Variants in ITGA8 observed in about 807,000 individuals in gnomAD.
ITGA8 encodes integrin subunit alpha 8.
A neutral mutation model predicts 142.3 loss-of-function variants in ITGA8; 91 were observed. That is an observed-to-expected ratio of 0.64 (90% CI 0.54 to 0.76). ITGA8 has a LOEUF of 0.76. Among genes scored for constraint, ITGA8 ranks in the 30% least tolerant of loss-of-function variants. The pLI is 0.00. For synonymous variants in ITGA8, 505 were observed against 485.2 expected (o/e 1.04, Z -0.54); for missense variants, 1,406 against 1,327.7 (o/e 1.06, Z -0.92).
At position 15,650,544 on chromosome 10, in the gene ITGA8, C is replaced by T. The variant is rs556543242; in HGVS notation, c.1002-3493G>A. Among the ~76,000 whole-genome samples, 23 of 152,206 alleles carry T rather than the reference C, an allele frequency of 1.5e-4. No homozygotes were observed. In the East Asian group the frequency reaches 4.3e-3, roughly 28 times the overall value. ...ACCACCTCAGGACTTTGCAGAGGGT[C>T]CCCACCAGCAAGAAGGCCCTCATCA... On this transcript the variant is annotated intron_variant, in intron 11 of 29. Transcript: ENST00000378076.
rs78303159 is a variant in ITGA8, at chr10:15,564,755, G to A, written c.2638-6553C>T. Among the ~76,000 whole-genome samples, 482 of 152,304 alleles carry A rather than the reference G, an allele frequency of 3.2e-3. 6 individuals are homozygous for A. The highest frequency in any genetic ancestry group is 0.011 in the African/African-American group (472 of 41,574). On this transcript the variant is annotated intron_variant, in intron 25 of 29. Transcript: ENST00000378076. ...AAGGGCCCTGTGAACCCAAACAAAA[G>A]CAATGCACACTATCTTTTTCTTGTT... is the stretch of plus-strand genomic sequence containing the variant.
chr10:15,562,387 G>A (rs565345851), intron 25 of ITGA8, among the ~76,000 whole-genome samples: 2 of 152,304 alleles, frequency 1.3e-5, no homozygotes, highest in African/African-American at 4.8e-5. Context: ...AAGCCAGGCT[G>A]TGGGACTGTG....
chr10:15,671,504 G>T (rs1485457086), intron 8 of ITGA8, 99 bp downstream of exon 8: 5 of 936,164 alleles, frequency 5.3e-6, no homozygotes, highest in Non-Finnish European at 6.9e-6. Context: ...TATCCCTTTG[G>T]TATAGCAAAT....
At chr10:15,602,065 A>G (rs17137538) in intron 20 of ITGA8, among the ~76,000 whole-genome samples, 4,465 of 152,316 alleles carry the variant, frequency 0.029, 212 homozygotes, top group African/African-American at 0.1. Context: ...TGTGTTTTCT[A>G]TGCAACAAAG....
chr10:15,715,629 C>T (rs961495074), intron 2 of ITGA8, among the ~76,000 whole-genome samples: 2 of 152,162 alleles, frequency 1.3e-5, no homozygotes, highest in African/African-American at 4.8e-5. Context: ...ATGTGTGTAC[C>T]GTGTCTGGTA....
intron 18 of ITGA8, 50 bp downstream of exon 18, chr10:15,606,235 C>T (rs1205407051): frequency 1.3e-6 from 2 of 1,533,240 alleles, no homozygotes; most frequent in East Asian, 2.3e-5. Context: ...AGAACAACAC[C>T]CCAGAGAGCT....
At chr10:15,565,435 A>G (rs1351407458) in intron 25 of ITGA8, among the ~76,000 whole-genome samples, 1 of 152,094 alleles carries the variant, frequency 6.6e-6, no homozygotes, top group African/African-American at 2.4e-5. Context: ...TGAAGGGGCA[A>G]GTAACAGCCA....
At chr10:15,542,370 A>G (rs1424857832) in intron 27 of ITGA8, among the ~76,000 whole-genome samples, 1 of 152,194 alleles carries the variant, frequency 6.6e-6, no homozygotes, top group Non-Finnish European at 1.5e-5. Context: ...AGACTGGGGA[A>G]ATGAATTTTA....
At chr10:15,667,225 C>A (rs1470042808) in intron 8 of ITGA8, among the ~76,000 whole-genome samples, 3 of 152,100 alleles carry the variant, frequency 2.0e-5, no homozygotes, top group African/African-American at 7.2e-5. Flanking sequence ...AGAGATTCAA[C>A]TTCTTTCTGG....
At chr10:15,568,973 C>A (rs185050027) in intron 25 of ITGA8, among the ~76,000 whole-genome samples, 1 of 152,236 alleles carries the variant, frequency 6.6e-6, no homozygotes, top group East Asian at 1.9e-4. Flanking sequence ...CAATGGATCC[C>A]TGGAGTGTGT....
intron 23 of ITGA8, among the ~76,000 whole-genome samples, chr10:15,577,362 A>G (rs910354058): frequency 6.6e-6 from 1 of 152,116 alleles, no homozygotes; most frequent in Non-Finnish European, 1.5e-5. Flanking sequence ...ACTGTTGTAC[A>G]CAGGAGTAGA....
rs562541556 is a variant in ITGA8 at position 15,644,421 on chromosome 10, C to T, written c.1208-200G>A. On this transcript the variant is annotated intron_variant, in intron 12 of 29. Coordinates refer to ENST00000378076, the MANE Select transcript of ITGA8 (RefSeq NM_003638.3). ...GAGCTGGGACTACAGGTGCATACCA[C>T]CATGTCAGGCTAATATATATATATA... Among the ~76,000 whole-genome samples, 11 of 116,146 alleles carry T rather than the reference C, an allele frequency of 9.5e-5. 1 individual carries two copies. In the East Asian group the frequency reaches 2.3e-3, roughly 24 times the overall value. 76.2% of individuals were successfully genotyped at this position (116,146 alleles called of 152,430 possible).
At chr10:15,652,061 C>CA (rs1177372013) in intron 11 of ITGA8, among the ~76,000 whole-genome samples, 1 of 152,134 alleles carries the variant, frequency 6.6e-6, no homozygotes, top group African/African-American at 2.4e-5. Context: ...GTATGCATAG[C>CA]AATTTTTAAG....
intron 26 of ITGA8, among the ~76,000 whole-genome samples, chr10:15,550,730 T>G (rs1305320733): frequency 2.0e-5 from 3 of 152,154 alleles, no homozygotes; most frequent in Admixed American, 1.3e-4. Context: ...TTCCTATGCA[T>G]GCTAAGGAGT....
intron 25 of ITGA8, among the ~76,000 whole-genome samples, chr10:15,564,837 C>G (rs1470176989): frequency 6.6e-6 from 1 of 152,222 alleles, no homozygotes; most frequent in Non-Finnish European, 1.5e-5. Context: ...ACAGACAACT[C>G]TCATGTACTT....
chr10:15,598,348 T>G (rs1833043051), intron 20 of ITGA8, among the ~76,000 whole-genome samples: 1 of 151,994 alleles, frequency 6.6e-6, no homozygotes. Context: ...TTTTTATTTG[T>G]TTTTTTGTCC....
intron 5 of ITGA8, among the ~76,000 whole-genome samples, chr10:15,678,454 C>T (rs1436191529): frequency 6.6e-6 from 1 of 152,108 alleles, no homozygotes; most frequent in African/African-American, 2.4e-5. Context: ...ATTATTGCCA[C>T]AAAGGATCAG....
intron 25 of ITGA8, among the ~76,000 whole-genome samples, chr10:15,569,965 C>A (rs940000444): frequency 6.6e-5 from 10 of 152,112 alleles, no homozygotes; most frequent in Non-Finnish European, 1.0e-4. Context: ...AGAATAATTT[C>A]CAGTACTCTC....
chr10:15,627,557 C>T (rs994253362), intron 13 of ITGA8, among the ~76,000 whole-genome samples: 1 of 152,194 alleles, frequency 6.6e-6, no homozygotes, highest in Non-Finnish European at 1.5e-5. Context: ...ATGAACAATG[C>T]TTGCAAACAG....
Sources: gnomAD v4.1 joint callset for allele counts (sites outside exome capture counted in the v4.1 genomes callset) on GRCh38, gnomAD v4.1.1 for gene constraint, MANE v1.5 for transcripts, NCBI Gene and HGNC (gene_info 2026-07-23, HGNC 2026-07-21) for gene names.